The following ADCY10 variants were observed in gnomAD, a reference collection of about 807,000 sequenced individuals.
ADCY10 encodes the protein adenylate cyclase type 10.
A neutral mutation model predicts 183.3 loss-of-function variants in ADCY10; 156 were observed. The observed-to-expected ratio is 0.85, with a 90% CI of 0.75 to 0.97. The LOEUF (loss-of-function observed/expected upper bound fraction) is 0.97. ADCY10 is among the 50% of genes least tolerant of loss of function. The probability of loss-of-function intolerance (pLI) is 0.00; values close to 1 mark genes in which losing one functional copy is unlikely to be tolerated. For missense variants in ADCY10, 1,745 were observed against 1,934.3 expected (o/e 0.90, Z 1.84); for synonymous variants, 645 against 670.0 (o/e 0.96, Z 0.58).
At chr1:167,897,632 T>A (rs75086802) in intron 6 of ADCY10, among the ~76,000 whole-genome samples, 3,901 of 14,892 alleles carry the variant, frequency 0.26, 1,950 homozygotes, top group South Asian at 0.43. Context: ...GGCAACTCTC[T>A]TGTGTCACGG....
intron 21 of ADCY10, among the ~76,000 whole-genome samples, chr1:167,837,992 T>C (rs1307892517): frequency 1.3e-5 from 2 of 152,236 alleles, no homozygotes; most frequent in Non-Finnish European, 2.9e-5. Context: ...ATTTCTCCCT[T>C]CAGGCAGAAG....
chr1:167,851,984 A>T (rs1483402844), intron 18 of ADCY10, among the ~76,000 whole-genome samples: 1 of 152,166 alleles, frequency 6.6e-6, no homozygotes, highest in Admixed American at 6.5e-5. Context: ...AGTGAAATTC[A>T]CCTAACATGC....
Position 167,822,060 on chromosome 1 carries a change from C to A in ADCY10, c.4250G>T (p.Gly1417Val), listed in dbSNP as rs752389676. ...ENNRILKFHS[G>V]LLLGLYSSVA... The stretch of plus-strand genomic sequence containing the variant: ...AGAGGAATAAAGTCCCAGGAGGAGT[C>A]CACTGTGGAACTTGAGGATTCTGTT... The change falls in exon 30 of 33, where the codon GGA becomes GTA. Residue 1417 changes from glycine to valine, a missense_variant. Coordinates refer to ENST00000367851, the MANE Select transcript of ADCY10 (RefSeq NM_018417.6). The A allele has an allele frequency of 6.2e-7, 1 of 1,605,996 alleles. No individual in the cohort carries two copies. The highest frequency in any genetic ancestry group is 1.1e-5 in the South Asian group (1 of 90,898).
intron 16 of ADCY10, among the ~76,000 whole-genome samples, chr1:167,859,463 A>T (rs1193220030): frequency 6.6e-6 from 1 of 152,216 alleles, no homozygotes; most frequent in African/African-American, 2.4e-5. Flanking sequence ...CTCAGGTAGC[A>T]AGTGATAGGC....
In ADCY10 at chr1:167,854,338, C is replaced by T; in HGVS notation, c.2308+15G>A. On this transcript the variant is annotated intron_variant, in intron 18 of 32. Coordinates refer to ENST00000367851, the MANE Select transcript of ADCY10 (RefSeq NM_018417.6). ...GCAGAACAGAGTAAGAAAGAACCAT[C>T]ACCGCAGGACTTACTGAACAGGTTA... The T allele has an allele frequency of 1.2e-6, 2 of 1,614,096 alleles. No individual in the cohort carries two copies. The highest frequency in any genetic ancestry group is 8.5e-7 in the Non-Finnish European group (1 of 1,179,970).
chr1:167,850,738 T>C (rs185153097), intron 18 of ADCY10, among the ~76,000 whole-genome samples: 45 of 149,334 alleles, frequency 3.0e-4, no homozygotes, highest in African/African-American at 1.1e-3. Flanking sequence ...CTCAAGGATA[T>C]GACGTGGTCC....
intron 5 of ADCY10, among the ~76,000 whole-genome samples, chr1:167,900,780 C>A (rs558966604): frequency 6.6e-6 from 1 of 152,304 alleles, no homozygotes; most frequent in African/African-American, 2.4e-5. Flanking sequence ...GATCCACCCA[C>A]CTTGGCCTCC....
At position 167,870,240 on chromosome 1, in the gene ADCY10, CA is replaced by C. The variant is rs1421667626; in HGVS notation, c.1616+16del. ...ATTCTATGGGTTCACACAGAACAAT[CA>C]TTCCAAGACACTCACCTGTGATTCT... On this transcript the variant is annotated intron_variant, in intron 14 of 32. Coordinates refer to ENST00000367851, the MANE Select transcript of ADCY10 (RefSeq NM_018417.6). The C allele has an allele frequency of 1.2e-6, 2 of 1,613,910 alleles. No homozygotes were observed. The highest frequency in any genetic ancestry group is 2.2e-5 in the South Asian group (2 of 91,076).
At chr1:167,839,249 A>C (rs558266134) in intron 21 of ADCY10, among the ~76,000 whole-genome samples, 1 of 152,360 alleles carries the variant, frequency 6.6e-6, no homozygotes, top group African/African-American at 2.4e-5. Context: ...CTTCCCTTGC[A>C]ACTGGATATA....
Position 167,818,559 on chromosome 1 carries a change from C to T in ADCY10, c.4287-292G>A, listed in dbSNP as rs570858627. On this transcript the variant is annotated intron_variant, in intron 30 of 32. Coordinates refer to ENST00000367851, the MANE Select transcript of ADCY10 (RefSeq NM_018417.6). ...TTTGGCTTTTTTTCTTTTTTTGAGA[C>T]GAAGTCTTGCTCTTGTCCCCCAGTC... 1.1e-4 allele frequency: 51 copies of T among 454,538 alleles called. No homozygotes were observed. The East Asian group carries it at 2.0e-3, about 18-fold the overall frequency. 28.2% of individuals were successfully genotyped at this position (454,538 alleles called of 1,614,324 possible). A position where few individuals can be genotyped will look rare whatever the true frequency, so the allele number is the denominator to read the frequency against.
At chr1:167,821,688 G>A (rs1414134941) in intron 30 of ADCY10, among the ~76,000 whole-genome samples, 1 of 152,152 alleles carries the variant, frequency 6.6e-6, no homozygotes, top group Non-Finnish European at 1.5e-5. Context: ...GGTGCCGGGT[G>A]GGCAAGTGGT....
At chr1:167,848,516 G>A (rs761221974) in intron 18 of ADCY10, 27 bp from the exon 19 acceptor site, 3 of 1,612,816 alleles carry the variant, frequency 1.9e-6, no homozygotes, top group Non-Finnish European at 2.5e-6. Flanking sequence ...GGGAAGAAAA[G>A]TTGAGTCATT....
intron 23 of ADCY10, chr1:167,834,378 T>C: frequency 2.1e-6 from 1 of 465,826 alleles, no homozygotes. Flanking sequence ...GAAGTTTCCC[T>C]CAAGCCAGTT....
chr1:167,847,414 CTTTCTTTCTTTCTTTT>C (rs1415388297), intron 19 of ADCY10, among the ~76,000 whole-genome samples: 2 of 151,566 alleles, frequency 1.3e-5, no homozygotes, highest in East Asian at 1.9e-4. Context: ...ATCTTTCTTT[CTTTCTTTCTTTCTTTT>C]TTGAGACAGA....
Position 167,809,768 on chromosome 1 carries a change from C to T in ADCY10, c.4743G>A (p.Trp1581Ter), listed in dbSNP as rs267598153. Residue 1581 changes from tryptophan (W) to a stop codon, truncating the protein, a stop_gained, in exon 33 of 33, where the codon TGG (tryptophan) becomes TGA (stop). Transcript: ENST00000367851. LOFTEE classifies it low-confidence loss of function (END_TRUNC). ...WLQTILSLPSWEKIVAGRVNI... is the reference protein window; with the variant it reads ...WLQTILSLPS ...TTACCCTGCCTGCTACAATTTTTTCCCATGATGGGAGACTCAAGATCGTCT... is the reference window on the plus strand; with the variant it reads ...TTACCCTGCCTGCTACAATTTTTTCTCATGATGGGAGACTCAAGATCGTCT... The T allele has an allele frequency of 6.2e-7, 1 of 1,614,060 alleles. No homozygotes were observed. The highest frequency in any genetic ancestry group is 1.3e-5 in the African/African-American group (1 of 75,004).
intron 8 of ADCY10, among the ~76,000 whole-genome samples, chr1:167,883,957 A>G (rs1209113056): frequency 6.6e-6 from 1 of 152,152 alleles, no homozygotes; most frequent in Non-Finnish European, 1.5e-5. Flanking sequence ...AAAAAATTTA[A>G]AATTTTTTAA....
intron 31 of ADCY10, among the ~76,000 whole-genome samples, chr1:167,811,804 T>C (rs574179109): frequency 7.8e-4 from 119 of 152,290 alleles, no homozygotes; most frequent in Non-Finnish European, 1.5e-3. Context: ...TGGACCGGTC[T>C]GGGAGTTAAA....
chr1:167,826,174 A>G (rs895552776), intron 26 of ADCY10, among the ~76,000 whole-genome samples: 6 of 152,160 alleles, frequency 3.9e-5, no homozygotes, highest in Non-Finnish European at 7.3e-5. Context: ...TCTGGTTTGG[A>G]ACATGTTCCA....
At chr1:167,896,745 T>C in intron 6 of ADCY10, 54 bp from the exon 7 acceptor site, 1 of 1,253,452 alleles carries the variant, frequency 8.0e-7, no homozygotes, top group Non-Finnish European at 1.2e-6. Context: ...GTTTAATCCT[T>C]TGAAGTGTAA....
Sources: gnomAD v4.1 joint callset for allele counts (sites outside exome capture counted in the v4.1 genomes callset) on GRCh38, gnomAD v4.1.1 for gene constraint, MANE v1.5 for transcripts, NCBI Gene and HGNC (gene_info 2026-07-23, HGNC 2026-07-21) for gene names.